Variants in DTNBP1 observed in about 807,000 individuals in gnomAD.
DTNBP1 encodes dystrobrevin binding protein 1, also known as dysbindin.
Under a neutral mutation model 42.8 loss-of-function variants are expected in DTNBP1, and 35 were observed. The observed-to-expected ratio is 0.82, with a 90% CI of 0.63 to 1.09. DTNBP1 has a LOEUF of 1.09. DTNBP1 is among the 50% of genes least tolerant of loss of function. The probability of loss-of-function intolerance (pLI) is 0.00; values close to 1 mark genes in which losing one functional copy is unlikely to be tolerated. For synonymous variants in DTNBP1, 171 were observed against 162.2 expected, an observed-to-expected ratio of 1.05 and a Z score of -0.41; for missense variants, 457 against 424.2, an observed-to-expected ratio of 1.08 and a Z score of -0.68.
At chr6:15,604,387 C>T (rs1260631202) in intron 6 of DTNBP1, among the ~76,000 whole-genome samples, 5 of 152,166 alleles carry the variant, frequency 3.3e-5, no homozygotes, top group Non-Finnish European at 7.3e-5. Flanking sequence ...TGCCCTGCTG[C>T]TTGGCTCCTT....
intron 7 of DTNBP1, among the ~76,000 whole-genome samples, chr6:15,549,209 G>A (rs918291871): frequency 6.6e-6 from 1 of 152,052 alleles, no homozygotes; most frequent in Non-Finnish European, 1.5e-5. Context: ...ACCTGAGACC[G>A]GGCATGGTGG....
At chr6:15,526,606 C>T (rs749866236) in intron 8 of DTNBP1, among the ~76,000 whole-genome samples, 56 of 152,186 alleles carry the variant, frequency 3.7e-4, no homozygotes, top group African/African-American at 1.0e-3. Flanking sequence ...TGAGCCCAGC[C>T]GCACAGGGAC....
chr6:15,566,727 GTCTC>G (rs941109876), intron 7 of DTNBP1, among the ~76,000 whole-genome samples: 5 of 127,564 alleles, frequency 3.9e-5, no homozygotes, highest in African/African-American at 1.6e-4. Context: ...TTTTGAGACC[GTCTC>G]TCTCTATCGT....
chr6:15,565,980 G>C (rs1421712902), intron 7 of DTNBP1, among the ~76,000 whole-genome samples: 1 of 152,204 alleles, frequency 6.6e-6, no homozygotes, highest in Non-Finnish European at 1.5e-5. Context: ...TCTTTACTAA[G>C]AGGCAGCCTC....
At chr6:15,612,370 T>C (rs1339593525) in intron 6 of DTNBP1, among the ~76,000 whole-genome samples, 1 of 152,306 alleles carries the variant, frequency 6.6e-6, no homozygotes, top group East Asian at 1.9e-4. Context: ...AAAAAAATCA[T>C]GTAACTAGCT....
intron 6 of DTNBP1, among the ~76,000 whole-genome samples, chr6:15,608,136 T>A (rs1283118957): frequency 6.6e-6 from 1 of 152,188 alleles, no homozygotes; most frequent in East Asian, 1.9e-4. Context: ...GCAAGTTTTA[T>A]CACAATTCTG....
At chr6:15,649,598 C>T (rs2619528) in intron 3 of DTNBP1, among the ~76,000 whole-genome samples, 38,298 of 151,934 alleles carry the variant, frequency 0.25, 5,594 homozygotes, top group African/African-American at 0.4. Context: ...ACCATGTGAA[C>T]GTACTCAGCA....
intron 7 of DTNBP1, among the ~76,000 whole-genome samples, chr6:15,537,507 G>C (rs990258029): frequency 1.3e-5 from 2 of 152,142 alleles, no homozygotes; most frequent in Non-Finnish European, 2.9e-5. Flanking sequence ...AGGCATGATT[G>C]GTTTTGAATG....
intron 6 of DTNBP1, chr6:15,615,026 T>G (rs1218220999): frequency 1.6e-6 from 1 of 630,544 alleles, no homozygotes; most frequent in South Asian, 1.5e-5. Context: ...TGCCCTGTGC[T>G]CCACTCCTTC....
At chr6:15,528,001 A>G (rs1772530785) in intron 8 of DTNBP1, among the ~76,000 whole-genome samples, 1 of 152,218 alleles carries the variant, frequency 6.6e-6, no homozygotes, top group Admixed American at 6.5e-5. Context: ...CTCAACACTC[A>G]GGAATGCATG....
At chr6:15,557,098 CA>C (rs942517907) in intron 7 of DTNBP1, among the ~76,000 whole-genome samples, 17 of 152,112 alleles carry the variant, frequency 1.1e-4, no homozygotes, top group Non-Finnish European at 2.5e-4. Flanking sequence ...TGGTACCTAC[CA>C]GGATTTTTAC....
intron 1 of DTNBP1, among the ~76,000 whole-genome samples, chr6:15,661,645 CA>C (rs200190961): frequency 4.5e-5 from 3 of 67,208 alleles, no homozygotes; most frequent in Admixed American, 2.4e-4. Context: ...GACTCCATCT[CA>C]AAAAAAAGGG....
intron 5 of DTNBP1, among the ~76,000 whole-genome samples, chr6:15,626,692 G>A (rs1384481486): frequency 3.3e-5 from 5 of 152,150 alleles, no homozygotes; most frequent in South Asian, 4.2e-4. Context: ...AATGAACAAC[G>A]ACAAAAAAAT....
In DTNBP1 at chr6:15,641,618, G is replaced by A. The variant is rs1263856241; in HGVS notation, c.162-3814C>T. On this transcript the variant is annotated intron_variant, in intron 3 of 9. Coordinates refer to ENST00000344537, the MANE Select transcript of DTNBP1 (RefSeq NM_032122.5). ...TGGTGGCCAACTCGTGTGTACATGC[G>A]TGTCCACACTCCTCTCAGGTGCCAG... 1.3e-5 allele frequency among the ~76,000 whole-genome samples: 2 copies of A among 152,102 alleles called. 1 individual carries two copies. Among genetic ancestry groups the A allele is most frequent in the African/African-American group, 4.8e-5 (2 of 41,406 alleles).
intron 7 of DTNBP1, among the ~76,000 whole-genome samples, chr6:15,543,987 C>G (rs952044580): frequency 6.6e-6 from 1 of 152,216 alleles, no homozygotes; most frequent in African/African-American, 2.4e-5. Context: ...CCACAAGATA[C>G]ACCCTTCTAT....
chr6:15,660,415 C>A, intron 1 of DTNBP1: 1 of 1,289,694 alleles, frequency 7.8e-7, no homozygotes, highest in Non-Finnish European at 1.0e-6. Flanking sequence ...ACTAGAGGTC[C>A]GGGTCTACTG....
At position 15,643,463 on chromosome 6, in the gene DTNBP1, T is replaced by C. The variant is rs573620247; in HGVS notation, c.162-5659A>G. On this transcript the variant is annotated intron_variant, in intron 3 of 9. Coordinates refer to ENST00000344537, the MANE Select transcript of DTNBP1 (RefSeq NM_032122.5). ...TCAGAGACTCCTGAGAGATACCATA[T>C]AAGATGACATCCCCGAGACAAACAG... Among the ~76,000 whole-genome samples the C allele has an allele frequency of 2.2e-4, 33 of 152,104 alleles. 1 individual carries two copies. Among genetic ancestry groups the C allele is most frequent in the African/African-American group, 7.2e-4 (30 of 41,490 alleles).
At chr6:15,537,561 T>C (rs1448485764) in intron 7 of DTNBP1, among the ~76,000 whole-genome samples, 3 of 152,112 alleles carry the variant, frequency 2.0e-5, no homozygotes, top group Non-Finnish European at 4.4e-5. Flanking sequence ...CAGAATAATA[T>C]AGTTTGGCTC....
chr6:15,627,432 T>C lies in DTNBP1; in HGVS notation c.266A>G (p.Lys89Arg). ...EVVMLSAHWE[K>R]KKTSLVELQE... is the part of the protein sequence containing the mutation. ...CAGCTCCACGAGGCTTGTCTTTTTC[T>C]TCTCCCAGTGCGCAGAAAGCATGAC... is the stretch of plus-strand genomic sequence containing the variant. Residue 89 changes from lysine to arginine, a missense_variant, in exon 5 of 10, where the codon AAG becomes AGG. Coordinates refer to ENST00000344537, the MANE Select transcript of DTNBP1 (RefSeq NM_032122.5). 6.2e-7 allele frequency: 1 copy of C among 1,614,056 alleles called. No individual in the cohort carries two copies.
Sources: gnomAD v4.1 joint callset for allele counts (sites outside exome capture counted in the v4.1 genomes callset) on GRCh38, gnomAD v4.1.1 for gene constraint, MANE v1.5 for transcripts, NCBI Gene and HGNC (gene_info 2026-07-23, HGNC 2026-07-21) for gene names.